The following TRIM5 variants were observed in gnomAD, a reference collection of about 807,000 sequenced individuals.
The protein encoded by TRIM5 is tripartite motif containing 5, also known as tripartite motif-containing protein 5.
Under a neutral mutation model 35.6 loss-of-function variants are expected in TRIM5, and 31 were observed. The observed-to-expected ratio is 0.87, with a 90% CI of 0.65 to 1.18. The LOEUF is 1.18. Ranked by LOEUF, TRIM5 falls within the 50% of genes most tolerant of loss-of-function variation. The pLI, the probability that TRIM5 is intolerant of heterozygous loss-of-function variation, is 0.00. For missense variants in TRIM5, 609 were observed against 591.6 expected (o/e 1.03, Z -0.31); for synonymous variants, 243 against 215.6 (o/e 1.13, Z -1.11).
intron 4 of TRIM5, among the ~76,000 whole-genome samples, chr11:5,668,511 G>A (rs11038635): frequency 0.14 from 21,832 of 151,684 alleles, 2,443 homozygotes; most frequent in East Asian, 0.43. Flanking sequence ...GTGCAGTGGC[G>A]TGATCTCGGG....
At chr11:5,642,957 T>G in the TRIM5 span, 1 of 1,467,166 alleles carries the variant, frequency 6.8e-7, no homozygotes, top group Non-Finnish European at 9.2e-7. Context: ...TCCCAAAACA[T>G]TTGCTAAATA....
chr11:5,639,364 A>C, the TRIM5 span, among the ~76,000 whole-genome samples: 9 of 152,164 alleles, frequency 5.9e-5, no homozygotes, highest in Non-Finnish European at 1.5e-5. Context: ...TTGACAAAAA[A>C]CAGCACCTAT....
the TRIM5 span, among the ~76,000 whole-genome samples, chr11:5,609,000 G>A: frequency 6.6e-6 from 1 of 151,886 alleles, no homozygotes; most frequent in South Asian, 2.1e-4. Context: ...TAAGAATTTG[G>A]TCTTGGCACA....
chr11:5,664,568 G>A lies in TRIM5; in HGVS notation c.*241C>T, dbSNP rs953561631. On this transcript the variant is annotated 3_prime_UTR_variant, in exon 8 of 8. Coordinates refer to ENST00000380034, the MANE Select transcript of TRIM5 (RefSeq NM_033034.3). Reference sequence around the variant, plus strand: ...AGCGGTCTCATTTTATGAGGTATAGGTCAGTTTTCCTTAGGAGTACGGAAA... The same window carrying A: ...AGCGGTCTCATTTTATGAGGTATAGATCAGTTTTCCTTAGGAGTACGGAAA... 39 of 1,246,220 alleles carry A rather than the reference G, an allele frequency of 3.1e-5. 1 individual carries two copies. In the Middle Eastern group the frequency reaches 1.6e-3, roughly 51 times the overall value. The allele number at this position is 1,246,220 out of a possible 1,614,324, so 77.2% of individuals were successfully genotyped here.
the TRIM5 span, chr11:5,596,888 C>T: frequency 4.3e-6 from 7 of 1,613,982 alleles, no homozygotes; most frequent in South Asian, 3.3e-5. Context: ...CTTGGCTTCT[C>T]ATTCCCCAGA....
chr11:5,649,520 T>C, the TRIM5 span, among the ~76,000 whole-genome samples: 1 of 152,310 alleles, frequency 6.6e-6, no homozygotes, highest in Non-Finnish European at 1.5e-5. Context: ...GTGTCCTTGA[T>C]AGTCAGGATT....
At chr11:5,676,307 C>T (rs1174891054) in intron 4 of TRIM5, among the ~76,000 whole-genome samples, 1 of 151,972 alleles carries the variant, frequency 6.6e-6, no homozygotes, top group Non-Finnish European at 1.5e-5. Flanking sequence ...TCTTATACAC[C>T]AACAACAGAC....
chr11:5,601,706 C>T, the TRIM5 span, among the ~76,000 whole-genome samples: 3 of 152,050 alleles, frequency 2.0e-5, no homozygotes, highest in East Asian at 1.9e-4. Context: ...TGCAGTGAGC[C>T]GAGATAGTGC....
the TRIM5 span, among the ~76,000 whole-genome samples, chr11:5,647,894 G>A: frequency 1.3e-5 from 2 of 152,060 alleles, no homozygotes; most frequent in South Asian, 2.1e-4. Flanking sequence ...GTCTGATACT[G>A]CAACACCTTA....
chr11:5,684,567 A>T (rs1852868191), intron 1 of TRIM5, among the ~76,000 whole-genome samples: 1 of 152,210 alleles, frequency 6.6e-6, no homozygotes, highest in South Asian at 2.1e-4. Flanking sequence ...AATCATTAGG[A>T]TTCCAAGGCC....
At chr11:5,592,099 G>A in the TRIM5 span, among the ~76,000 whole-genome samples, 1 of 152,140 alleles carries the variant, frequency 6.6e-6, no homozygotes, top group Non-Finnish European at 1.5e-5. Context: ...TATCTAGGAA[G>A]GGGATTTAGA....
the TRIM5 span, chr11:5,643,991 T>C: frequency 2.0e-6 from 1 of 504,776 alleles, no homozygotes; most frequent in Non-Finnish European, 3.4e-6. Flanking sequence ...ACTTTATCAC[T>C]GATATGAAGA....
At chr11:5,603,727 G>C in the TRIM5 span, 1 of 1,613,424 alleles carries the variant, frequency 6.2e-7, no homozygotes, top group Non-Finnish European at 8.5e-7. Flanking sequence ...GGTTGCCCAG[G>C]AGTACCAGGT....
chr11:5,614,345 C>A, the TRIM5 span, among the ~76,000 whole-genome samples: 1 of 152,098 alleles, frequency 6.6e-6, no homozygotes, highest in African/African-American at 2.4e-5. Flanking sequence ...ATGAAGCTGG[C>A]AGAAAGGTGA....
chr11:5,681,197 C>A (rs186414234), intron 1 of TRIM5, among the ~76,000 whole-genome samples: 28 of 152,250 alleles, frequency 1.8e-4, no homozygotes, highest in African/African-American at 6.3e-4. Context: ...AGAGAGAAGT[C>A]TCAAAATATT....
At chr11:5,662,538 C>CA (rs1850866217), downstream of TRIM5, among the ~76,000 whole-genome samples, 1 of 152,180 alleles carries the variant, frequency 6.6e-6, no homozygotes, top group African/African-American at 2.4e-5. Context: ...TTATCTGCAT[C>CA]ACTGTGCAAA....
At chr11:5,638,620 G>C in the TRIM5 span, among the ~76,000 whole-genome samples, 1 of 152,196 alleles carries the variant, frequency 6.6e-6, no homozygotes. Context: ...AAATGTTTTA[G>C]TGTCTGGGAC....
the TRIM5 span, among the ~76,000 whole-genome samples, chr11:5,636,148 A>G: frequency 6.6e-6 from 1 of 152,250 alleles, no homozygotes; most frequent in African/African-American, 2.4e-5. Context: ...TGATGATTGG[A>G]TAAGCAAAAT....
chr11:5,594,187 G>A, the TRIM5 span, among the ~76,000 whole-genome samples: 6 of 152,068 alleles, frequency 3.9e-5, no homozygotes, highest in African/African-American at 9.7e-5. Context: ...CTTCTCAACC[G>A]TCAGAATGCC....
Sources: allele counts gnomAD v4.1 joint callset (sites outside exome capture counted in the v4.1 genomes callset), GRCh38; gene constraint gnomAD v4.1.1; transcripts MANE v1.5; gene names NCBI Gene and HGNC (gene_info 2026-07-23, HGNC 2026-07-21).